The following HEATR1 variants were observed in gnomAD, a reference collection of about 807,000 sequenced individuals.
HEATR1 encodes the protein HEAT repeat-containing protein 1.
In HEATR1, 77 loss-of-function variants were observed where a neutral mutation model predicts 248.2. The ratio of observed to expected loss-of-function variants is 0.31; its 90% CI spans 0.26 to 0.37. HEATR1 has a LOEUF of 0.37. Among genes scored for constraint, HEATR1 ranks in the 10% least tolerant of loss-of-function variants. The pLI, the probability that HEATR1 is intolerant of heterozygous loss-of-function variation, is 1.00. For missense variants in HEATR1, 2,420 were observed against 2,504.9 expected (o/e 0.97, Z 0.72); for synonymous variants, 897 against 923.1 (o/e 0.97, Z 0.51).
In HEATR1 at chr1:236,603,058, T is replaced by C. The variant is rs114955837; in HGVS notation, c.359+102A>G. The C allele has an allele frequency of 1.2e-3, 943 of 768,734 alleles. 4 individuals are homozygous for C. Among genetic ancestry groups the C allele is most frequent in the African/African-American group, 0.012 (674 of 57,638 alleles). 47.6% of individuals were successfully genotyped at this position (768,734 alleles called of 1,614,324 possible). A position where few individuals can be genotyped will look rare whatever the true frequency, so the allele number is the denominator to read the frequency against. ...TGGACATTGTATCAATCTCTTAATA[T>C]ACCTAATTTTTCAGCTTTAATTTGA... On this transcript the variant is annotated intron_variant, in intron 3 of 44. Transcript: ENST00000366582.
intron 17 of HEATR1, among the ~76,000 whole-genome samples, chr1:236,583,676 T>C (rs958463907): frequency 6.6e-6 from 1 of 151,836 alleles, no homozygotes; most frequent in African/African-American, 2.4e-5. Flanking sequence ...TAGTAGAGAT[T>C]AGGTTTCACC....
chr1:236,597,041 GC>G, intron 5 of HEATR1, 65 bp from the exon 6 acceptor site: 3 of 1,494,294 alleles, frequency 2.0e-6, no homozygotes, highest in East Asian at 2.3e-5. Context: ...ATTGCTTGAG[GC>G]CAGGAGTTCA....
chr1:236,560,677 A>C lies in HEATR1; in HGVS notation c.4646+548T>G, dbSNP rs137968066. Among the ~76,000 whole-genome samples the C allele has an allele frequency of 9.9e-4, 151 of 152,344 alleles. 2 individuals carry two copies. Among genetic ancestry groups the C allele is most frequent in the African/African-American group, 3.6e-3 (149 of 41,578 alleles). On this transcript the variant is annotated intron_variant, in intron 33 of 44. Transcript: ENST00000366582. ...TGCATCTGAAAAGGAGGTACACAGC[A>C]AGGCCAGGAGGCAAACCCCGAGGAC... is the stretch of plus-strand genomic sequence containing the variant.
At chr1:236,557,881 T>C (rs2794782) in intron 36 of HEATR1, among the ~76,000 whole-genome samples, 104,216 of 152,166 alleles carry the variant, frequency 0.68, 36,002 homozygotes, top group Non-Finnish European at 0.72. Flanking sequence ...CACTGCAAAG[T>C]AGTGCATCTG....
intron 23 of HEATR1, 95 bp downstream of exon 23, chr1:236,574,566 A>G: frequency 1.4e-6 from 2 of 1,409,126 alleles, no homozygotes; most frequent in East Asian, 2.3e-5. Context: ...TCCAAATAAA[A>G]TATTAATCTT....
Position 236,574,679 on chromosome 1 carries a change from C to T in HEATR1, c.3309G>A (p.Gln1103=), listed in dbSNP as rs369436014. The change falls in exon 23 of 45, where the codon CAG becomes CAA. Residue 1103 remains glutamine (Q), a synonymous_variant. Transcript: ENST00000366582. The stretch of plus-strand genomic sequence containing the variant: ...CACTGACCTTTTCAAGGGCTGTGAT[C>T]TGAATGGTTGGCATTCCCGCGTAAA... ...KELYAGMPTI[Q]ITALEKITKP... 4 of 1,613,518 alleles carry T rather than the reference C, an allele frequency of 2.5e-6. No individual in the cohort carries two copies. The East Asian group carries it at 8.9e-5, about 36-fold the overall frequency.
At chr1:236,586,133 A>C (rs2799421) in intron 15 of HEATR1, 108 bp downstream of exon 15, 810,816 of 1,215,466 alleles carry the variant, frequency 0.67, 276,133 homozygotes, top group Non-Finnish European at 0.7. Flanking sequence ...AAAAATTTTA[A>C]AAGACCTTAC....
Position 236,550,712 on chromosome 1 carries a change from G to A in HEATR1, c.*190C>T, listed in dbSNP as rs964755062. 7.6e-6 allele frequency: 4 copies of A among 523,508 alleles called. No individual in the cohort carries two copies. The highest frequency in any genetic ancestry group is 1.9e-5 in the African/African-American group (1 of 51,878). 32.4% of individuals were successfully genotyped at this position (523,508 alleles called of 1,614,324 possible). ...ATTTACTCTTTCTGCAGCTCTATAC[G>A]ATAGGCAGGAGAGGCTTATGTGGCA... On this transcript the variant is annotated 3_prime_UTR_variant, in exon 45 of 45. Transcript: ENST00000366582.
intron 24 of HEATR1, 137 bp from the exon 25 acceptor site, chr1:236,572,965 C>CCA: frequency 1.3e-6 from 1 of 764,860 alleles, no homozygotes; most frequent in Non-Finnish European, 2.1e-6. Context: ...GAACCCCCCC[C>CCA]AGCATTGGAT....
Position 236,585,860 on chromosome 1 carries a change from T to A in HEATR1, c.2009A>T (p.Asp670Val). ...AGAAGGATCTCCTAAATTTATATTA[T>A]CAGCCAACAACTCAATCATCTTCTG... ...ANQKMIELLA[D>V]NINLGDPSSM... is the part of the protein sequence containing the mutation. Residue 670 changes from aspartate (D) to valine (V), a missense_variant, in exon 16 of 45, where the codon GAT becomes GTT. Coordinates refer to ENST00000366582, the MANE Select transcript of HEATR1 (RefSeq NM_018072.6). 1 of 1,612,892 alleles carries A rather than the reference T, an allele frequency of 6.2e-7. No homozygotes were observed.
At chr1:236,600,249 C>T (rs574713079) in intron 3 of HEATR1, among the ~76,000 whole-genome samples, 1 of 150,190 alleles carries the variant, frequency 6.7e-6, no homozygotes, top group East Asian at 2.0e-4. Context: ...GCCTCCGCCT[C>T]CCAAGTAGCT....
chr1:236,579,045 CT>C (rs1291642342), intron 20 of HEATR1, among the ~76,000 whole-genome samples: 1 of 152,158 alleles, frequency 6.6e-6, no homozygotes, highest in Non-Finnish European at 1.5e-5. Flanking sequence ...TTCTGAAATA[CT>C]AAGATAAAGC....
intron 20 of HEATR1, among the ~76,000 whole-genome samples, chr1:236,580,534 TGAGACAGGGTC>T (rs1663692671): frequency 6.6e-6 from 1 of 151,234 alleles, no homozygotes. Flanking sequence ...TTTTTTTTTT[TGAGACAGGGTC>T]TTGCTCTGTT....
rs753367978 is a variant in HEATR1, at chr1:236,603,321, T to C, written c.198A>G (p.Glu66=). 6.2e-7 allele frequency: 1 copy of C among 1,614,072 alleles called. No individual in the cohort carries two copies. Among genetic ancestry groups the C allele is most frequent in the African/African-American group, 1.3e-5 (1 of 74,942 alleles). ...LGIDPSFEQF[E]APLFSQLAKT... ...TTGCTAGCTGACTGAACAACGGTGC[T>C]TCAAACTGCTCAAAGGAAGGATCAA... Residue 66 remains glutamate, a synonymous_variant, in exon 3 of 45, where the codon GAA becomes GAG. Coordinates refer to ENST00000366582, the MANE Select transcript of HEATR1 (RefSeq NM_018072.6).
At chr1:236,591,123 CAT>C (rs35920875) in intron 11 of HEATR1, among the ~76,000 whole-genome samples, 169 bp from the exon 12 acceptor site, 6,246 of 88,104 alleles carry the variant, frequency 0.071, 172 homozygotes, top group Admixed American at 0.17. Context: ...TAGAACATCA[CAT>C]GAGTTGATGA....
Position 236,569,110 on chromosome 1 carries a change from G to C in HEATR1, c.3963C>G (p.His1321Gln), listed in dbSNP as rs780403528. ...TAAATGTAAAAATAGACATGATATT[G>C]TGTAAAACTTTATCCTGAAAGAAAA... ...VAGIFPDKVL[H>Q]NIMSIFTFMG... is the part of the protein sequence containing the mutation. The change falls in exon 29 of 45, where the codon CAC (histidine) becomes CAG (glutamine). Residue 1321 changes from histidine to glutamine, a missense_variant. His to Gln is a conservative substitution (Grantham distance 24, BLOSUM62 0). Transcript: ENST00000366582. The C allele has an allele frequency of 6.3e-7, 1 of 1,584,360 alleles. No homozygotes were observed. The highest frequency in any genetic ancestry group is 1.9e-5 in the Admixed American group (1 of 52,182).
At chr1:236,558,633 G>A (rs1041249713) in intron 35 of HEATR1, 104 bp from the exon 36 acceptor site, 16 of 1,155,682 alleles carry the variant, frequency 1.4e-5, no homozygotes, top group East Asian at 5.0e-5. Context: ...AATCAGACTC[G>A]GGGGTCCTGA....
chr1:236,566,579 T>C lies in HEATR1; in HGVS notation c.4308+67A>G, dbSNP rs1464753541. The C allele has an allele frequency of 7.7e-6, 9 of 1,164,986 alleles. No individual in the cohort carries two copies. The East Asian group carries it at 9.9e-5, about 13-fold the overall frequency. 72.2% of individuals were successfully genotyped at this position (1,164,986 alleles called of 1,614,324 possible). The stretch of plus-strand genomic sequence containing the variant: ...GGCATCATCAGCCCCATGTTTAAAC[T>C]GGACAATATCATAAAATCTGTGTGA... On this transcript the variant is annotated intron_variant, in intron 30 of 44. Coordinates refer to ENST00000366582, the MANE Select transcript of HEATR1 (RefSeq NM_018072.6).
At chr1:236,585,751 G>A in intron 16 of HEATR1, 69 bp downstream of exon 16, 3 of 1,512,862 alleles carry the variant, frequency 2.0e-6, no homozygotes, top group Non-Finnish European at 2.7e-6. Context: ...ATCTAGTAAA[G>A]CAAAAGCTGA....
Sources: allele counts gnomAD v4.1 joint callset (sites outside exome capture counted in the v4.1 genomes callset), GRCh38; gene constraint gnomAD v4.1.1; transcripts MANE v1.5; gene names NCBI Gene and HGNC (gene_info 2026-07-23, HGNC 2026-07-21).